The following CEMIP2 variants were observed in gnomAD, a reference collection of about 807,000 sequenced individuals.
CEMIP2 encodes the protein cell surface hyaluronidase CEMIP2.
Under a neutral mutation model 146.9 loss-of-function variants are expected in CEMIP2, and 79 were observed. That is an observed-to-expected ratio of 0.54 (90% CI 0.45 to 0.65). The LOEUF (loss-of-function observed/expected upper bound fraction) is 0.65, where lower values mean the gene tolerates loss of function less well. Among genes scored for constraint, CEMIP2 ranks in the 30% least tolerant of loss-of-function variants. The pLI is 0.00. For synonymous variants in CEMIP2, 601 were observed against 606.3 expected, an observed-to-expected ratio of 0.99 and a Z score of 0.13; for missense variants, 1,596 against 1,696.2, an observed-to-expected ratio of 0.94 and a Z score of 1.04.
At chr9:71,762,147 C>T (rs1362008424) in intron 1 of CEMIP2, among the ~76,000 whole-genome samples, 1 of 152,130 alleles carries the variant, frequency 6.6e-6, no homozygotes, top group Admixed American at 6.5e-5. Flanking sequence ...AGTCCCTCTC[C>T]TCCTAGGCCA....
At chr9:71,728,193 TTCTCTC>T (rs369654117) in intron 10 of CEMIP2, among the ~76,000 whole-genome samples, 635 of 29,480 alleles carry the variant, frequency 0.022, 35 homozygotes, top group South Asian at 0.03. Context: ...CAGCGAAACC[TTCTCTC>T]TCTCTCTCTC....
intron 10 of CEMIP2, among the ~76,000 whole-genome samples, chr9:71,728,854 C>T (rs1485441900): frequency 2.7e-5 from 4 of 148,408 alleles, no homozygotes; most frequent in Non-Finnish European, 4.4e-5. Flanking sequence ...TTTATTGACA[C>T]GGGGTCTCAC....
At chr9:71,767,826 G>T (rs1453007998) in intron 1 of CEMIP2, among the ~76,000 whole-genome samples, 3 of 152,130 alleles carry the variant, frequency 2.0e-5, no homozygotes, top group Non-Finnish European at 4.4e-5. Context: ...GGGGCGGAGG[G>T]CGGAGGACCC....
At chr9:71,715,236 GC>G (rs1564005674) in intron 14 of CEMIP2, 147 bp from the exon 15 acceptor site, 78 of 379,140 alleles carry the variant, frequency 2.1e-4, no homozygotes, top group Admixed American at 5.3e-4. Flanking sequence ...TTCAGAAACT[GC>G]TTTTTTTTTT....
chr9:71,757,905 T>C (rs371405090), intron 1 of CEMIP2, among the ~76,000 whole-genome samples: 1 of 152,240 alleles, frequency 6.6e-6, no homozygotes, highest in Non-Finnish European at 1.5e-5. Flanking sequence ...GCAGACTTTT[T>C]AGGTCCTCTA....
chr9:71,733,950 T>C (rs1589153391), intron 6 of CEMIP2, among the ~76,000 whole-genome samples: 1 of 152,272 alleles, frequency 6.6e-6, no homozygotes, highest in East Asian at 1.9e-4. Flanking sequence ...TTCAAGCGAT[T>C]CTCCTGCCTC....
intron 2 of CEMIP2, among the ~76,000 whole-genome samples, chr9:71,748,675 G>A (rs972182321): frequency 6.6e-6 from 1 of 152,188 alleles, no homozygotes; most frequent in Non-Finnish European, 1.5e-5. Context: ...GAAAAGGAGA[G>A]AGGAAGTCAT....
At chr9:71,711,650 T>C (rs1045278308) in intron 16 of CEMIP2, among the ~76,000 whole-genome samples, 8 of 151,942 alleles carry the variant, frequency 5.3e-5, no homozygotes, top group African/African-American at 1.9e-4. Flanking sequence ...ACTGCCACAG[T>C]ATTCTGCTTT....
chr9:71,732,572 A>G (rs778313637), intron 6 of CEMIP2, 52 bp from the exon 7 acceptor site: 1 of 1,475,848 alleles, frequency 6.8e-7, no homozygotes, highest in Admixed American at 2.5e-5. Context: ...AGAAAACATG[A>G]AACTCACTTC....
chr9:71,742,904 C>G (rs1053367911), intron 4 of CEMIP2, among the ~76,000 whole-genome samples: 2 of 152,104 alleles, frequency 1.3e-5, no homozygotes, highest in African/African-American at 4.8e-5. Flanking sequence ...TATATTCATA[C>G]GACAGAAAAT....
chr9:71,685,157 C>G lies in CEMIP2; in HGVS notation c.*40G>C. The G allele has an allele frequency of 6.6e-7, 1 of 1,514,978 alleles. No homozygotes were observed. The highest frequency in any genetic ancestry group is 1.3e-5 in the South Asian group (1 of 76,876). The allele number at this position is 1,514,978 out of a possible 1,614,324, so 93.8% of individuals were successfully genotyped here. ...ATGCCATAAATTAAATAAGTTAGTT[C>G]ACATTTTTTTTCCCCCAGCACTTAA... On this transcript the variant is annotated 3_prime_UTR_variant, in exon 24 of 24. Transcript: ENST00000377044.
intron 12 of CEMIP2, among the ~76,000 whole-genome samples, chr9:71,718,443 TTAA>T (rs1418724672): frequency 6.6e-6 from 1 of 152,210 alleles, no homozygotes; most frequent in African/African-American, 2.4e-5. Context: ...ATTTAATAAA[TTAA>T]TAATATATTT....
chr9:71,742,967 G>A (rs955359043), intron 4 of CEMIP2, among the ~76,000 whole-genome samples: 4 of 152,234 alleles, frequency 2.6e-5, no homozygotes, highest in South Asian at 2.1e-4. Context: ...GCCTGTAATC[G>A]CAGCAATTTG....
chr9:71,741,910 T>A (rs992935835), intron 4 of CEMIP2, among the ~76,000 whole-genome samples: 1 of 151,788 alleles, frequency 6.6e-6, no homozygotes, highest in Non-Finnish European at 1.5e-5. Flanking sequence ...CCTCCTAAAG[T>A]GCTTGGATTA....
intron 20 of CEMIP2, 90 bp downstream of exon 20, chr9:71,697,895 T>TATAG: frequency 1.5e-6 from 2 of 1,320,784 alleles, no homozygotes; most frequent in Admixed American, 4.3e-5. Flanking sequence ...AAATGGGCAA[T>TATAG]ATAGATGTTT....
At chr9:71,729,549 G>A (rs998135089) in intron 10 of CEMIP2, among the ~76,000 whole-genome samples, 1 of 151,682 alleles carries the variant, frequency 6.6e-6, no homozygotes, top group African/African-American at 2.4e-5. Context: ...AACCCGGGGG[G>A]TGGAGCTTGC....
chr9:71,736,264 G>A (rs1354856713), intron 5 of CEMIP2, among the ~76,000 whole-genome samples: 1 of 152,116 alleles, frequency 6.6e-6, no homozygotes, highest in Non-Finnish European at 1.5e-5. Flanking sequence ...CTTGTTGGAA[G>A]CAACCTCTCT....
intron 20 of CEMIP2, among the ~76,000 whole-genome samples, chr9:71,696,377 G>A (rs925445011): frequency 6.6e-6 from 1 of 151,794 alleles, no homozygotes; most frequent in Non-Finnish European, 1.5e-5. Context: ...TGTTGTTGTT[G>A]GTTTCTCTGG....
At chr9:71,709,585 GT>G in intron 16 of CEMIP2, 111 bp from the exon 17 acceptor site, 3 of 860,324 alleles carry the variant, frequency 3.5e-6, no homozygotes, top group Non-Finnish European at 5.6e-6. Context: ...GGTTAGAGCA[GT>G]TCTGAGTTAC....
Sources: gnomAD v4.1 joint callset for allele counts (sites outside exome capture counted in the v4.1 genomes callset) on GRCh38, gnomAD v4.1.1 for gene constraint, MANE v1.5 for transcripts, NCBI Gene and HGNC (gene_info 2026-07-23, HGNC 2026-07-21) for gene names.